The following MYO1B variants were observed in gnomAD, a reference collection of about 807,000 sequenced individuals.
MYO1B encodes the protein myosin IB, also known as unconventional myosin-Ib.
MYO1B carries 72 observed loss-of-function variants against 159.7 expected under a neutral mutation model. That is an observed-to-expected ratio of 0.45 (90% CI 0.37 to 0.55). MYO1B has a LOEUF of 0.55. Among genes scored for constraint, MYO1B ranks in the 20% least tolerant of loss-of-function variants. The probability of loss-of-function intolerance (pLI) is 0.00; values close to 1 mark genes in which losing one functional copy is unlikely to be tolerated. For synonymous variants in MYO1B, 468 were observed against 473.8 expected, an observed-to-expected ratio of 0.99 and a Z score of 0.16; for missense variants, 1,062 against 1,364.8, an observed-to-expected ratio of 0.78 and a Z score of 3.50.
chr2:191,359,625 G>C (rs1001904932), intron 7 of MYO1B, among the ~76,000 whole-genome samples: 1 of 152,046 alleles, frequency 6.6e-6, no homozygotes, highest in Non-Finnish European at 1.5e-5. Context: ...GTAGGTTCCA[G>C]AAATACAAAT....
intron 17 of MYO1B, among the ~76,000 whole-genome samples, chr2:191,389,470 T>C (rs1695610420): frequency 6.6e-6 from 1 of 152,348 alleles, no homozygotes; most frequent in East Asian, 1.9e-4. Flanking sequence ...GGCGTGTTCC[T>C]CGTCTGCATG....
In MYO1B at chr2:191,392,209, A is replaced by G. The variant is rs780146447; in HGVS notation, c.2076+8A>G. 38 of 1,587,508 alleles carry G rather than the reference A, an allele frequency of 2.4e-5. No homozygotes were observed. The Middle Eastern group carries it at 5.0e-4, about 21-fold the overall frequency. ...ATCCGAAACCCAAGAACAGTATGTA[A>G]CGAAAACCTTTACACTCTGAACTTA... On this transcript the variant is annotated splice_region_variant and intron_variant, in intron 19 of 30. Transcript: ENST00000392318.
At chr2:191,368,295 G>C (rs1222620880) in intron 11 of MYO1B, among the ~76,000 whole-genome samples, 1 of 152,102 alleles carries the variant, frequency 6.6e-6, no homozygotes, top group Non-Finnish European at 1.5e-5. Context: ...TTTTTACTTA[G>C]AAGCAGCAAA....
At chr2:191,259,943 G>T (rs757641238) in intron 1 of MYO1B, among the ~76,000 whole-genome samples, 16 of 152,142 alleles carry the variant, frequency 1.1e-4, no homozygotes, top group Non-Finnish European at 1.6e-4. Context: ...AGGGCCTGGG[G>T]TTCAGATGAG....
intron 18 of MYO1B, among the ~76,000 whole-genome samples, chr2:191,391,673 C>T (rs1351505427): frequency 6.6e-6 from 1 of 152,068 alleles, no homozygotes; most frequent in Non-Finnish European, 1.5e-5. Flanking sequence ...CCTTAGCGTC[C>T]CGTTGGTCTG....
intron 17 of MYO1B, among the ~76,000 whole-genome samples, chr2:191,389,239 A>G (rs1384474160): frequency 6.6e-6 from 1 of 152,234 alleles, no homozygotes; most frequent in Non-Finnish European, 1.5e-5. Context: ...ACTAGCTAAG[A>G]TGTAGTTGTC....
chr2:191,357,742 A>G (rs1693395420), intron 7 of MYO1B, among the ~76,000 whole-genome samples: 1 of 152,206 alleles, frequency 6.6e-6, no homozygotes, highest in South Asian at 2.1e-4. Context: ...GTGAATCCCT[A>G]TAGTGAATTG....
chr2:191,294,786 G>C (rs1216347843), intron 2 of MYO1B, among the ~76,000 whole-genome samples: 1 of 151,470 alleles, frequency 6.6e-6, no homozygotes, highest in Non-Finnish European at 1.5e-5. Context: ...CTTACAGGAT[G>C]AAAGTGTGTT....
chr2:191,301,719 A>G (rs993505034), intron 3 of MYO1B, among the ~76,000 whole-genome samples: 4 of 152,366 alleles, frequency 2.6e-5, no homozygotes, highest in Admixed American at 2.6e-4. Flanking sequence ...TGGTTAAGCG[A>G]TACTCAGTCG....
intron 27 of MYO1B, 66 bp downstream of exon 27, chr2:191,411,238 C>T (rs1697233729): frequency 2.0e-6 from 2 of 1,005,780 alleles, no homozygotes; most frequent in Non-Finnish European, 3.0e-6. Context: ...TATTTGTACG[C>T]CGTTTTGCCT....
chr2:191,346,719 A>G (rs1295943681), intron 6 of MYO1B, among the ~76,000 whole-genome samples: 1 of 152,236 alleles, frequency 6.6e-6, no homozygotes, highest in East Asian at 1.9e-4. Context: ...GGTAAAGTCC[A>G]TAGGCTTGGC....
chr2:191,357,717 T>C (rs553842082), intron 7 of MYO1B, among the ~76,000 whole-genome samples: 8 of 152,312 alleles, frequency 5.3e-5, no homozygotes, highest in Non-Finnish European at 8.8e-5. Context: ...TTAAGTAAAT[T>C]AAAATGGTCA....
intron 1 of MYO1B, among the ~76,000 whole-genome samples, chr2:191,276,608 G>T (rs554200643): frequency 1.3e-5 from 2 of 152,256 alleles, no homozygotes; most frequent in Admixed American, 1.3e-4. Flanking sequence ...CTGCTGAGGA[G>T]AAGACCATGG....
At chr2:191,390,636 C>A in intron 18 of MYO1B, 144 bp downstream of exon 18, 1 of 936,756 alleles carries the variant, frequency 1.1e-6, no homozygotes, top group Non-Finnish European at 1.5e-6. Context: ...CATTAGGATA[C>A]CATTTTGTGC....
In MYO1B at chr2:191,356,333, GCTT is replaced by G. The variant is rs1287083562; in HGVS notation, c.563-4294_563-4292del. 7.6e-4 allele frequency among the ~76,000 whole-genome samples: 96 copies of G among 125,820 alleles called. 1 individual carries two copies. Among genetic ancestry groups the G allele is most frequent in the Non-Finnish European group, 1.4e-3 (83 of 58,558 alleles). The allele number at this position is 125,820 out of a possible 152,430, so 82.5% of individuals were successfully genotyped here. A position where few individuals can be genotyped will look rare whatever the true frequency, so the allele number is the denominator to read the frequency against. On this transcript the variant is annotated intron_variant, in intron 7 of 30. Transcript: ENST00000392318. ...TAATTTATAATACATACAAGGCTGG[GCTT>G]CTTTTTTTTTTTTTTTTTTTTGAGT...
chr2:191,287,081 C>G (rs1688417954), intron 2 of MYO1B, among the ~76,000 whole-genome samples: 1 of 152,120 alleles, frequency 6.6e-6, no homozygotes, highest in Admixed American at 6.5e-5. Flanking sequence ...CCAATAGATT[C>G]CAGTAGAGCC....
At position 191,414,087 on chromosome 2, in the gene MYO1B, C is replaced by G. The variant is rs1403493953; in HGVS notation, c.2913C>G (p.Asn971Lys). 1.2e-6 allele frequency: 2 copies of G among 1,612,674 alleles called. No individual in the cohort carries two copies. The highest frequency in any genetic ancestry group is 2.2e-5 in the East Asian group (1 of 44,820). ...QPFQGAYLEI[N>K]KNPKYKKLKD... is the part of the protein sequence containing the mutation. The stretch of plus-strand genomic sequence containing the variant: ...TCCAAGGGGCTTACCTGGAAATCAA[C>G]AAGAACCCCAAGTATAAGAAACTCA... The change falls in exon 28 of 31, where the codon AAC becomes AAG. Residue 971 changes from asparagine (N) to lysine (K), a missense_variant. This residue lies in a region of MYO1B where 609 missense variants were observed against 744.4 expected (regional missense o/e 0.82). Transcript: ENST00000392318.
intron 12 of MYO1B, among the ~76,000 whole-genome samples, chr2:191,369,966 A>G (rs146564074): frequency 0.012 from 1,818 of 152,298 alleles, 38 homozygotes; most frequent in Admixed American, 0.058. Context: ...TGATCTAATC[A>G]TTACTAAAAT....
chr2:191,362,433 T>A, intron 9 of MYO1B, 62 bp downstream of exon 9: 2 of 1,250,034 alleles, frequency 1.6e-6, no homozygotes, highest in East Asian at 4.9e-5. Context: ...CAGCGGGAGC[T>A]GGTAGCAATT....
Sources: allele counts gnomAD v4.1 joint callset (sites outside exome capture counted in the v4.1 genomes callset), GRCh38; gene constraint gnomAD v4.1.1; regional missense constraint gnomAD v4.1.1; transcripts MANE v1.5; gene names NCBI Gene and HGNC (gene_info 2026-07-23, HGNC 2026-07-21).